Variants in PRH1 observed in about 807,000 individuals in gnomAD.
The protein encoded by PRH1 is salivary acidic proline-rich phosphoprotein 1/2.
Under a neutral mutation model 7.9 loss-of-function variants are expected in PRH1, and 7 were observed. The ratio of observed to expected loss-of-function variants is 0.89; its 90% confidence interval spans 0.50 to 1.67. The LOEUF (loss-of-function observed/expected upper bound fraction) is 1.67, where lower values mean the gene tolerates loss of function less well. Ranked by LOEUF, PRH1 falls within the 40% of genes most tolerant of loss-of-function variation. PRH1 has a pLI of 0.00. For synonymous variants in PRH1, 45 were observed against 80.8 expected (o/e 0.56, Z 2.38); for missense variants, 109 against 223.6 (o/e 0.49, Z 3.27).
At position 11,104,414 on chromosome 12, in the gene PRH1, G is replaced by A. The variant is rs1213109313; in HGVS notation, n.124-57226C>T. 5.2e-5 allele frequency among the ~76,000 whole-genome samples: 7 copies of A among 133,334 alleles called. 1 individual carries two copies. The highest frequency in any genetic ancestry group is 1.8e-4 in the African/African-American group (7 of 39,020). 87.5% of individuals were successfully genotyped at this position (133,334 alleles called of 152,430 possible). A position where few individuals can be genotyped will look rare whatever the true frequency, so the allele number is the denominator to read the frequency against. On this transcript the variant is annotated intron_variant and non_coding_transcript_variant, in intron 1 of 4. Transcript: ENST00000541977. ...CAAACTTTACGTCAATGAGATTACA[G>A]TAAATGTATTTTTCCATCTTGATAA...
chr12:11,061,564 G>A (rs1360074072), intron 1 of PRH1: 3 of 1,613,902 alleles, frequency 1.9e-6, no homozygotes, highest in African/African-American at 1.3e-5. Context: ...CATGATTATG[G>A]ACAGAAAGTA....
At chr12:10,979,154 T>A (rs1939239250) in intron 1 of PRH1, among the ~76,000 whole-genome samples, 1 of 152,170 alleles carries the variant, frequency 6.6e-6, no homozygotes, top group African/African-American at 2.4e-5. Flanking sequence ...TCAGGTACTC[T>A]GCTTATCACC....
intron 2 of PRH1, among the ~76,000 whole-genome samples, chr12:10,972,207 G>A (rs548612364): frequency 2.7e-4 from 41 of 152,228 alleles, no homozygotes; most frequent in African/African-American, 9.6e-4. Flanking sequence ...GGAAAAAAAT[G>A]ATTGGTAGTA....
At chr12:10,900,117 G>T (rs1949703141) in intron 2 of PRH1, among the ~76,000 whole-genome samples, 1 of 152,184 alleles carries the variant, frequency 6.6e-6, no homozygotes. Context: ...CCAGGGAGGG[G>T]AACATGGGCA....
At chr12:10,970,576 G>GTTT (rs1565509811) in intron 2 of PRH1, among the ~76,000 whole-genome samples, 4 of 145,406 alleles carry the variant, frequency 2.8e-5, no homozygotes, top group Admixed American at 6.8e-5. Context: ...TTTTTTTTTC[G>GTTT]TTTTTGAGAT....
intron 2 of PRH1, among the ~76,000 whole-genome samples, chr12:10,904,001 C>T (rs1369748396): frequency 8.0e-6 from 1 of 124,778 alleles, no homozygotes; most frequent in East Asian, 2.6e-4. Context: ...AACTGTGAAA[C>T]ACTGCTGAAA....
In PRH1 at chr12:11,114,804, G is replaced by A. The variant is rs145301488; in HGVS notation, n.123+56618C>T. On this transcript the variant is annotated intron_variant and non_coding_transcript_variant, in intron 1 of 4. Coordinates refer to the PRH1 transcript ENST00000541977. The stretch of plus-strand genomic sequence containing the variant: ...TTTGTGCTTGTTTGTTTGCTTATGC[G>A]AACAGTGCTAAGTTGTTATCAGCTT... 7.9e-3 allele frequency among the ~76,000 whole-genome samples: 1,208 copies of A among 152,192 alleles called. 7 individuals carry two copies. The highest frequency in any genetic ancestry group is 0.014 in the Non-Finnish European group (941 of 68,002).
chr12:11,049,164 AC>A, upstream of PRH1: 4 of 944,270 alleles, frequency 4.2e-6, no homozygotes, highest in Non-Finnish European at 5.5e-6. Context: ...ACTCAAGGAC[AC>A]CTACTAGAGC....
chr12:11,078,010 G>T, intron 1 of PRH1: 1 of 631,444 alleles, frequency 1.6e-6, no homozygotes, highest in Non-Finnish European at 2.8e-6. Context: ...TCCTACTTCT[G>T]AACTATATAA....
intron 1 of PRH1, among the ~76,000 whole-genome samples, chr12:11,013,403 A>G (rs149222911): frequency 6.6e-6 from 1 of 152,192 alleles, no homozygotes; most frequent in Non-Finnish European, 1.5e-5. Context: ...CCACATGCAT[A>G]AAGATAAATT....
intron 1 of PRH1, among the ~76,000 whole-genome samples, chr12:11,066,343 C>G (rs68078981): frequency 6.6e-6 from 1 of 151,760 alleles, no homozygotes; most frequent in East Asian, 1.9e-4. Context: ...TAAAATGTAT[C>G]ATTTGCTTTG....
chr12:11,060,115 A>T (rs1021259137), intron 1 of PRH1, among the ~76,000 whole-genome samples: 1 of 152,156 alleles, frequency 6.6e-6, no homozygotes. Flanking sequence ...TAAGGTTTAA[A>T]TCACATTTTT....
At chr12:11,019,145 A>AATAGAAG (rs1270777371) in intron 1 of PRH1, among the ~76,000 whole-genome samples, 6 of 152,288 alleles carry the variant, frequency 3.9e-5, no homozygotes, top group Non-Finnish European at 8.8e-5. Context: ...GCCAAAGGGA[A>AATAGAAG]ATAGAAGACA....
chr12:11,050,567 T>C (rs916069134), upstream of PRH1, among the ~76,000 whole-genome samples: 27 of 152,220 alleles, frequency 1.8e-4, no homozygotes, highest in African/African-American at 6.3e-4. Flanking sequence ...ATGGCCAGAT[T>C]TGGGGGCCTG....
At chr12:11,002,350 T>C (rs1000661387) in intron 1 of PRH1, among the ~76,000 whole-genome samples, 6 of 152,074 alleles carry the variant, frequency 3.9e-5, no homozygotes, top group African/African-American at 1.2e-4. Flanking sequence ...CTTATATTAT[T>C]CTCAGCATCA....
At chr12:11,129,272 A>C (rs1946249451) in intron 1 of PRH1, among the ~76,000 whole-genome samples, 1 of 152,292 alleles carries the variant, frequency 6.6e-6, no homozygotes, top group Non-Finnish European at 1.5e-5. Flanking sequence ...TGTCCATCCC[A>C]AGGTGGATCT....
At chr12:11,070,583 A>T (rs1331108421) in intron 1 of PRH1, among the ~76,000 whole-genome samples, 1 of 152,110 alleles carries the variant, frequency 6.6e-6, no homozygotes, top group East Asian at 1.9e-4. Flanking sequence ...CTTTTTAATA[A>T]ACTTCCATTC....
chr12:11,086,589 T>C (rs2136245434), intron 1 of PRH1, among the ~76,000 whole-genome samples: 1 of 151,746 alleles, frequency 6.6e-6, no homozygotes, highest in Admixed American at 6.6e-5. Context: ...ATTTTACAAC[T>C]ACTGCCTGCC....
At chr12:10,932,345 G>C in intron 2 of PRH1, 1 of 318,572 alleles carries the variant, frequency 3.1e-6, no homozygotes, top group Non-Finnish European at 7.1e-6. Context: ...ATCTCCTTCT[G>C]AGTGTTTGGG....
Sources: allele counts gnomAD v4.1 joint callset (sites outside exome capture counted in the v4.1 genomes callset), GRCh38; gene constraint gnomAD v4.1.1; transcripts MANE v1.5; gene names NCBI Gene and HGNC (gene_info 2026-07-23, HGNC 2026-07-21).